COL4A3: variants seen among roughly 807,000 people sequenced by gnomAD.
COL4A3 encodes the protein collagen alpha-3(IV) chain.
A neutral mutation model predicts 217.4 loss-of-function variants in COL4A3; 135 were observed. The ratio of observed to expected loss-of-function variants is 0.62; its 90% CI spans 0.54 to 0.72. The LOEUF (loss-of-function observed/expected upper bound fraction) is 0.72. Ranked by LOEUF, COL4A3 falls within the 30% of genes least tolerant of loss-of-function variation. The probability of loss-of-function intolerance (pLI) is 0.00; values close to 1 mark genes in which losing one functional copy is unlikely to be tolerated. For missense variants in COL4A3, 1,868 were observed against 2,119.9 expected (o/e 0.88, Z 2.33); for synonymous variants, 690 against 736.3 (o/e 0.94, Z 1.02).
At chr2:227,179,777 T>C (rs545728225) in intron 1 of COL4A3, among the ~76,000 whole-genome samples, 1 of 152,318 alleles carries the variant, frequency 6.6e-6, no homozygotes, top group South Asian at 2.1e-4. Context: ...TCATGGAGTA[T>C]GCAATCAAGT....
chr2:227,172,187 C>CA (rs2065501224), intron 1 of COL4A3, among the ~76,000 whole-genome samples: 1 of 152,250 alleles, frequency 6.6e-6, no homozygotes, highest in African/African-American at 2.4e-5. Flanking sequence ...TCACCACCTT[C>CA]AGGTGTTTTC....
chr2:227,255,096 T>C (rs2070071414), intron 15 of COL4A3, among the ~76,000 whole-genome samples: 2 of 152,160 alleles, frequency 1.3e-5, no homozygotes, highest in Non-Finnish European at 2.9e-5. Flanking sequence ...TCTCCCTGTG[T>C]CCATTTATAA....
chr2:227,301,004 G>T (rs2073262483), intron 43 of COL4A3, among the ~76,000 whole-genome samples: 1 of 152,158 alleles, frequency 6.6e-6, no homozygotes, highest in South Asian at 2.1e-4. Context: ...AGGACACCTT[G>T]GGAGGAGTCT....
At chr2:227,284,791 T>A (rs1476910769) in intron 34 of COL4A3, among the ~76,000 whole-genome samples, 1 of 152,218 alleles carries the variant, frequency 6.6e-6, no homozygotes, top group African/African-American at 2.4e-5. Context: ...CTTCTCCTGT[T>A]CAAAATCCTT....
At position 227,256,411 on chromosome 2, in the gene COL4A3, A is replaced by T; in HGVS notation, c.987+15A>T. ...ATGGCATTAAGGTAATCCTCTCCCTAATAGCCTATTTTAATAGGTTGGGTT... is the reference window on the plus strand; with the variant it reads ...ATGGCATTAAGGTAATCCTCTCCCTTATAGCCTATTTTAATAGGTTGGGTT... On this transcript the variant is annotated intron_variant, in intron 17 of 51. Coordinates refer to ENST00000396578, the MANE Select transcript of COL4A3 (RefSeq NM_000091.5). 6.2e-7 allele frequency: 1 copy of T among 1,609,416 alleles called. No homozygotes were observed. Among genetic ancestry groups the T allele is most frequent in the Non-Finnish European group, 8.5e-7 (1 of 1,175,790 alleles).
intron 23 of COL4A3, among the ~76,000 whole-genome samples, chr2:227,267,468 T>G (rs555360802): frequency 2.0e-5 from 3 of 152,204 alleles, no homozygotes; most frequent in Non-Finnish European, 4.4e-5. Context: ...ACTCAGTCCA[T>G]TTTTTCATGT....
Position 227,253,417 on chromosome 2 carries a change from G to A in COL4A3, c.687+80G>A, listed in dbSNP as rs1303132359. 2 of 1,524,896 alleles carry A rather than the reference G, an allele frequency of 1.3e-6. No individual in the cohort carries two copies. The highest frequency in any genetic ancestry group is 1.8e-6 in the Non-Finnish European group (2 of 1,098,636). The allele number at this position is 1,524,896 out of a possible 1,614,324, so 94.5% of individuals were successfully genotyped here. A position where few individuals can be genotyped will look rare whatever the true frequency, so the allele number is the denominator to read the frequency against. ...TATCAGCCTATACCGTTTACTTACG[G>A]GCCAAGCTGAAATTGATGGGCCTTC... On this transcript the variant is annotated intron_variant, in intron 12 of 51. Transcript: ENST00000396578. This position sits in a 1 kb window ranked among gnomAD's most constrained non-coding sequence, Gnocchi z 4.4.
At chr2:227,193,775 A>G (rs183660531) in intron 1 of COL4A3, among the ~76,000 whole-genome samples, 7,434 of 35,192 alleles carry the variant, frequency 0.21, 1,618 homozygotes, top group East Asian at 0.44. Context: ...GAAGGAAGGA[A>G]GGAAGGAAGG....
In COL4A3 at chr2:227,257,497, AC is replaced by A. The variant is rs2125946540; in HGVS notation, c.988-105del. ...TTAACTTTAATTTGGTTTGTACATG[AC>A]ATCTACATATCAATATATTGTTCAT... On this transcript the variant is annotated intron_variant, in intron 17 of 51. Coordinates refer to ENST00000396578, the MANE Select transcript of COL4A3 (RefSeq NM_000091.5). The A allele has an allele frequency of 3.3e-6, 3 of 916,314 alleles. No individual in the cohort carries two copies. In the Admixed American group the frequency reaches 5.3e-5, roughly 16 times the overall value. 56.8% of individuals were successfully genotyped at this position (916,314 alleles called of 1,614,324 possible). A position where few individuals can be genotyped will look rare whatever the true frequency, so the allele number is the denominator to read the frequency against.
At chr2:227,181,624 A>T (rs2065870142) in intron 1 of COL4A3, among the ~76,000 whole-genome samples, 1 of 152,358 alleles carries the variant, frequency 6.6e-6, no homozygotes, top group South Asian at 2.1e-4. Context: ...ATATTTGCAT[A>T]AAAGTGAGAT....
In COL4A3 at chr2:227,282,488, G is replaced by C. The variant is rs1402894646; in HGVS notation, c.2612G>C (p.Gly871Ala). The C allele has an allele frequency of 6.2e-7, 1 of 1,613,730 alleles. No homozygotes were observed. Among genetic ancestry groups the C allele is most frequent in the Non-Finnish European group, 8.5e-7 (1 of 1,179,970 alleles). The change falls in exon 32 of 52, where the codon GGT becomes GCT. Residue 871 changes from glycine (G) to alanine (A), a missense_variant. By Grantham distance (60) the Gly-to-Ala change is moderately conservative (BLOSUM62 0). This residue lies in a region of COL4A3 where 1,503 missense variants were observed against 1,786.1 expected (regional missense o/e 0.84). Transcript: ENST00000396578. This position sits in a 1 kb window ranked among gnomAD's most constrained non-coding sequence, Gnocchi z 4.4. ...CATCAAGGTGAAATGGGACCACTGG[G>C]TCAAAGAGGATATCCAGGAAATCCG... is the stretch of plus-strand genomic sequence containing the variant. ...PGHQGEMGPL[G>A]QRGYPGNPGI...
chr2:227,177,044 G>C (rs77985838), intron 1 of COL4A3, among the ~76,000 whole-genome samples: 9,048 of 151,882 alleles, frequency 0.06, 319 homozygotes, highest in Admixed American at 0.089. Flanking sequence ...AGGATTACTG[G>C]TAACATGTTA....
rs185132846 is a variant in COL4A3 at position 227,246,107 on chromosome 2, C to T, written c.387+91C>T. On this transcript the variant is annotated intron_variant, in intron 6 of 51. Transcript: ENST00000396578. ...TGGCAATGAAAGGCAGACAGGCTTC[C>T]CTTGAAAACATTCCTTTAGGCCAGA... The T allele has an allele frequency of 5.2e-4, 537 of 1,024,104 alleles. 2 individuals are homozygous for T. In the African/African-American group the frequency reaches 7.7e-3, roughly 15 times the overall value. 63.4% of individuals were successfully genotyped at this position (1,024,104 alleles called of 1,614,324 possible).
chr2:227,262,048 T>C (rs1288771072), intron 20 of COL4A3, among the ~76,000 whole-genome samples: 5 of 152,212 alleles, frequency 3.3e-5, no homozygotes, highest in African/African-American at 9.7e-5. Flanking sequence ...TGATGTTGTA[T>C]ATTATACTAC....
intron 1 of COL4A3, among the ~76,000 whole-genome samples, chr2:227,175,873 GC>G (rs1295245633): frequency 6.6e-6 from 1 of 152,214 alleles, no homozygotes; most frequent in Non-Finnish European, 1.5e-5. Flanking sequence ...TTGGGAATCA[GC>G]CCACATATAA....
Position 227,254,175 on chromosome 2 carries a change from G to A in COL4A3, c.828+1G>A. On this transcript the variant is annotated splice_donor_variant, in intron 14 of 51. Coordinates refer to ENST00000396578, the MANE Select transcript of COL4A3 (RefSeq NM_000091.5). LOFTEE classifies it high-confidence loss of function. The stretch of plus-strand genomic sequence containing the variant: ...CGAGCCTGGACCTCCTGGACCCTCA[G>A]TAGGTTATTTAAAGTTATATTGTCC... 6.2e-7 allele frequency: 1 copy of A among 1,613,444 alleles called. No homozygotes were observed. The highest frequency in any genetic ancestry group is 8.5e-7 in the Non-Finnish European group (1 of 1,179,454).
rs763002740 is a variant in COL4A3 at position 227,267,068 on chromosome 2, A to G, written c.1484A>G (p.His495Arg). ...PPGLPGLPGLHGVKGIPGRQG... is the reference protein window; with the variant it reads ...PPGLPGLPGLRGVKGIPGRQG... ...GGTCTCCCAGGATTGCCAGGGTTAC[A>G]TGGTGTAAAAGGAATCCCAGGTACA... Residue 495 changes from histidine (H) to arginine (R), a missense_variant, in exon 23 of 52, where the codon CAT (histidine) becomes CGT (arginine). By Grantham distance (29) the His-to-Arg change is conservative (BLOSUM62 0). This residue lies in a region of COL4A3 where 1,503 missense variants were observed against 1,786.1 expected (regional missense o/e 0.84). Transcript: ENST00000396578. 4 of 1,613,892 alleles carry G rather than the reference A, an allele frequency of 2.5e-6. No individual in the cohort carries two copies. In the East Asian group the frequency reaches 6.7e-5, roughly 27 times the overall value.
At chr2:227,176,012 C>G (rs1297597527) in intron 1 of COL4A3, among the ~76,000 whole-genome samples, 1 of 152,124 alleles carries the variant, frequency 6.6e-6, no homozygotes, top group Non-Finnish European at 1.5e-5. Flanking sequence ...GATTGCCAAG[C>G]TAGGCCCAAG....
At chr2:227,199,455 C>T (rs1559815804) in intron 1 of COL4A3, among the ~76,000 whole-genome samples, 1 of 152,224 alleles carries the variant, frequency 6.6e-6, no homozygotes, top group Non-Finnish European at 1.5e-5. Context: ...TTGTAGTTCA[C>T]TTCGGCTCAT....
Sources: gnomAD v4.1 joint callset for allele counts (sites outside exome capture counted in the v4.1 genomes callset) on GRCh38, gnomAD v4.1.1 for gene constraint, gnomAD v4.1.1 regional missense constraint, Gnocchi (gnomAD v3.1) non-coding constraint, MANE v1.5 for transcripts, NCBI Gene and HGNC (gene_info 2026-07-23, HGNC 2026-07-21) for gene names.